Variants in TLE1 observed in about 807,000 individuals in gnomAD.
The protein encoded by TLE1 is transducin-like enhancer protein 1.
TLE1 carries 21 observed loss-of-function variants against 89.8 expected under a neutral mutation model. That is an observed-to-expected ratio of 0.23 (90% CI 0.17 to 0.34). The LOEUF is 0.34. Ranked by LOEUF, TLE1 falls within the 10% of genes least tolerant of loss-of-function variation. The pLI is 1.00. For synonymous variants in TLE1, 447 were observed against 407.6 expected, an observed-to-expected ratio of 1.10 and a Z score of -1.16; for missense variants, 795 against 1,031.2, an observed-to-expected ratio of 0.77 and a Z score of 3.14.
intron 8 of TLE1, among the ~76,000 whole-genome samples, chr9:81,621,306 G>T (rs941239713): frequency 6.6e-6 from 1 of 152,108 alleles, no homozygotes; most frequent in African/African-American, 2.4e-5. Context: ...GATATTTTGG[G>T]GTCACATGAC....
intron 4 of TLE1, among the ~76,000 whole-genome samples, chr9:81,684,555 G>C (rs140225510): frequency 6.6e-6 from 1 of 152,158 alleles, no homozygotes; most frequent in African/African-American, 2.4e-5. Flanking sequence ...CTTAATGAAA[G>C]TCTTTGAATA....
intron 12 of TLE1, among the ~76,000 whole-genome samples, chr9:81,612,568 G>A (rs1371141088): frequency 1.3e-5 from 2 of 152,092 alleles, no homozygotes; most frequent in South Asian, 4.1e-4. Flanking sequence ...CTGCAGGAGA[G>A]ACCACTGATT....
chr9:81,625,639 T>G (rs562077595), intron 8 of TLE1, among the ~76,000 whole-genome samples: 1 of 152,266 alleles, frequency 6.6e-6, no homozygotes, highest in East Asian at 1.9e-4. Context: ...GTGGGTTGAC[T>G]GAACCTCAGA....
chr9:81,633,602 G>T, intron 7 of TLE1: 1 of 580,666 alleles, frequency 1.7e-6, no homozygotes, highest in Non-Finnish European at 2.9e-6. Flanking sequence ...TTTATTTCTT[G>T]ACAGAATAAA....
chr9:81,655,059 G>C (rs115504888), intron 4 of TLE1, among the ~76,000 whole-genome samples: 3 of 152,058 alleles, frequency 2.0e-5, no homozygotes, highest in African/African-American at 4.8e-5. Flanking sequence ...TCTATAGCAC[G>C]GGCTGTTTTA....
chr9:81,680,045 G>C (rs1833408529), intron 4 of TLE1, among the ~76,000 whole-genome samples: 1 of 152,152 alleles, frequency 6.6e-6, no homozygotes, highest in Non-Finnish European at 1.5e-5. Flanking sequence ...AACATCTTAA[G>C]TCCTCTGGCG....
chr9:81,635,770 A>G (rs1326451168), intron 6 of TLE1, among the ~76,000 whole-genome samples: 1 of 152,228 alleles, frequency 6.6e-6, no homozygotes, highest in Non-Finnish European at 1.5e-5. Flanking sequence ...CACAGTTCCC[A>G]GCCTCAAAAG....
intron 8 of TLE1, 43 bp from the exon 9 acceptor site, chr9:81,620,600 C>G (rs1349220255): frequency 1.9e-6 from 3 of 1,594,660 alleles, no homozygotes; most frequent in Non-Finnish European, 8.5e-7. Context: ...TCCCAAGCCT[C>G]TTTGTACACA....
intron 10 of TLE1, among the ~76,000 whole-genome samples, 167 bp downstream of exon 10, chr9:81,616,479 T>C (rs1298661988): frequency 6.6e-6 from 1 of 152,240 alleles, no homozygotes; most frequent in Non-Finnish European, 1.5e-5. Context: ...TTTATGTCAG[T>C]TAGACCATTA....
At chr9:81,667,988 A>C (rs1379951032) in intron 4 of TLE1, among the ~76,000 whole-genome samples, 2 of 151,982 alleles carry the variant, frequency 1.3e-5, no homozygotes, top group Admixed American at 6.6e-5. Flanking sequence ...ACATGGTGAA[A>C]CCCTGTCTCT....
At chr9:81,660,991 G>A (rs1044213112) in intron 4 of TLE1, among the ~76,000 whole-genome samples, 4 of 134,182 alleles carry the variant, frequency 3.0e-5, no homozygotes, top group East Asian at 4.4e-4. Context: ...TTAGCCTGGC[G>A]TGGTGGCACG....
chr9:81,688,304 T>C lies in TLE1; in HGVS notation c.-64A>G, dbSNP rs906623487. On this transcript the variant is annotated 5_prime_UTR_variant, in exon 1 of 20. Coordinates refer to ENST00000376499, the MANE Select transcript of TLE1 (RefSeq NM_005077.5). The stretch of plus-strand genomic sequence containing the variant: ...CAATTCTCCGGTCAATTTCCAACTT[T>C]AATCCCGCCGAGGAAAATTAAGCCG... 4.9e-5 allele frequency: 72 copies of C among 1,465,650 alleles called. No individual in the cohort carries two copies. The highest frequency in any genetic ancestry group is 7.5e-5 in the African/African-American group (5 of 66,966). 90.8% of individuals were successfully genotyped at this position (1,465,650 alleles called of 1,614,324 possible). A position where few individuals can be genotyped will look rare whatever the true frequency, so the allele number is the denominator to read the frequency against.
chr9:81,593,386 C>A, intron 14 of TLE1, 112 bp from the exon 15 acceptor site: 4 of 1,356,884 alleles, frequency 2.9e-6, no homozygotes, highest in African/African-American at 1.5e-5. Context: ...GAAAGATTCT[C>A]TTGTATAGTT....
At chr9:81,666,404 G>A (rs889110109) in intron 4 of TLE1, among the ~76,000 whole-genome samples, 1 of 152,106 alleles carries the variant, frequency 6.6e-6, no homozygotes, top group East Asian at 1.9e-4. Context: ...CCACACAATG[G>A]CAGGATTAGT....
intron 6 of TLE1, among the ~76,000 whole-genome samples, chr9:81,644,768 T>C (rs1828610640): frequency 6.6e-6 from 1 of 151,830 alleles, no homozygotes; most frequent in Non-Finnish European, 1.5e-5. Flanking sequence ...CAGAGACAGG[T>C]GAATCACCTG....
chr9:81,687,489 A>C, intron 1 of TLE1, 55 bp from the exon 2 acceptor site: 2 of 1,391,778 alleles, frequency 1.4e-6, no homozygotes, highest in Non-Finnish European at 2.0e-6. Flanking sequence ...GGATGAATAA[A>C]GCAGTAAGTC....
chr9:81,612,006 C>A, intron 12 of TLE1, 47 bp from the exon 13 acceptor site: 1 of 1,355,380 alleles, frequency 7.4e-7, no homozygotes, highest in Non-Finnish European at 9.7e-7. Context: ...CCCACTCCAT[C>A]AAACCTGACC....
chr9:81,667,657 C>T (rs151259019), intron 4 of TLE1, among the ~76,000 whole-genome samples: 32 of 152,226 alleles, frequency 2.1e-4, no homozygotes, highest in Non-Finnish European at 4.4e-4. Flanking sequence ...ATTCCTGGCC[C>T]CTCAAACTCA....
intron 4 of TLE1, among the ~76,000 whole-genome samples, chr9:81,671,289 G>A (rs557308069): frequency 3.3e-5 from 5 of 152,240 alleles, no homozygotes; most frequent in East Asian, 1.9e-4. Flanking sequence ...TGAAGCGGGC[G>A]GATTGCTTGA....
Sources: gnomAD v4.1 joint callset for allele counts (sites outside exome capture counted in the v4.1 genomes callset) on GRCh38, gnomAD v4.1.1 for gene constraint, MANE v1.5 for transcripts, NCBI Gene and HGNC (gene_info 2026-07-23, HGNC 2026-07-21) for gene names.